The following CXADR variants were observed in gnomAD, a reference collection of about 807,000 sequenced individuals.
CXADR encodes the protein coxsackievirus and adenovirus receptor.
Under a neutral mutation model 40.3 loss-of-function variants are expected in CXADR, and 20 were observed. That is an observed-to-expected ratio of 0.50 (90% CI 0.35 to 0.72). The LOEUF (loss-of-function observed/expected upper bound fraction) is 0.72. CXADR is among the 30% of genes least tolerant of loss of function. CXADR has a pLI of 0.01. For missense variants in CXADR, 332 were observed against 449.1 expected (o/e 0.74, Z 2.36); for synonymous variants, 150 against 161.3 (o/e 0.93, Z 0.53).
intron 7 of CXADR, among the ~76,000 whole-genome samples, chr21:17,582,370 C>T (rs2061367579): frequency 6.6e-6 from 1 of 152,096 alleles, no homozygotes; most frequent in African/African-American, 2.4e-5. Context: ...GCAACTTTTC[C>T]CCTCAAGTTA....
chr21:17,547,230 C>G, intron 2 of CXADR, 37 bp downstream of exon 2: 3 of 1,612,372 alleles, frequency 1.9e-6, no homozygotes, highest in Non-Finnish European at 2.5e-6. Context: ...TAGCAGCTGT[C>G]TGTGCAACTA....
At chr21:17,584,598 G>A (rs909947165) in intron 7 of CXADR, among the ~76,000 whole-genome samples, 2 of 152,172 alleles carry the variant, frequency 1.3e-5, no homozygotes, top group Non-Finnish European at 2.9e-5. Context: ...TTGGGAGGCC[G>A]AGGAGGGCGG....
At chr21:17,570,636 C>A (rs1040979931), downstream of CXADR, among the ~76,000 whole-genome samples, 5 of 152,056 alleles carry the variant, frequency 3.3e-5, no homozygotes, top group Non-Finnish European at 5.9e-5. Context: ...CCAGAGGGGC[C>A]CCACATCTGA....
downstream of CXADR, chr21:17,570,249 T>A: frequency 1.1e-6 from 1 of 903,198 alleles, no homozygotes; most frequent in Non-Finnish European, 1.3e-6. Context: ...ACAATCATAT[T>A]AATACATCAT....
At position 17,567,607 on chromosome 21, in the gene CXADR, G is replaced by T. The variant is rs1474810189; in HGVS notation, c.*1915G>T. On this transcript the variant is annotated 3_prime_UTR_variant, in exon 7 of 7. Coordinates refer to ENST00000284878, the MANE Select transcript of CXADR (RefSeq NM_001338.5). ...TTAAGCAATTGTGTTATTCATAAAG[G>T]TTTAGAAATTTCAATATTCCCAACA... 4.1e-6 allele frequency: 4 copies of T among 984,506 alleles called. No homozygotes were observed. Among genetic ancestry groups the T allele is most frequent in the African/African-American group, 1.7e-5 (1 of 57,192 alleles). The allele number at this position is 984,506 out of a possible 1,614,324, so 61.0% of individuals were successfully genotyped here.
chr21:17,513,255 T>TG lies in CXADR; in HGVS notation c.43+88dup, dbSNP rs925649097. 3.1e-4 allele frequency: 384 copies of TG among 1,251,966 alleles called. 1 individual carries two copies. Among genetic ancestry groups the TG allele is most frequent in the Non-Finnish European group, 3.7e-4 (365 of 974,378 alleles). 77.6% of individuals were successfully genotyped at this position (1,251,966 alleles called of 1,614,324 possible). On this transcript the variant is annotated intron_variant, in intron 1 of 6. Transcript: ENST00000284878. ...GCGGCCACCCAGGAACAATGGGGCG[T>TG]GGGGGAGGGGGCGGGCGCGATTTGG...
intron 2 of CXADR, among the ~76,000 whole-genome samples, chr21:17,549,203 G>A (rs933832379): frequency 1.3e-4 from 20 of 152,154 alleles, no homozygotes; most frequent in Non-Finnish European, 2.9e-5. Flanking sequence ...TGGCAAGGAG[G>A]AAACAGAGGC....
In CXADR at chr21:17,565,015, G is replaced by T. The variant is rs116146948; in HGVS notation, c.834-413G>T. Among the ~76,000 whole-genome samples, 868 of 152,304 alleles carry T rather than the reference G, an allele frequency of 5.7e-3. 5 individuals are homozygous for T. Among genetic ancestry groups the T allele is most frequent in the African/African-American group, 0.02 (840 of 41,554 alleles). ...TTCCCAAAGTGCTGGGATTACAGGT[G>T]TGATTAAGATAGAAATATACCTGTA... On this transcript the variant is annotated intron_variant, in intron 6 of 6. Coordinates refer to ENST00000284878, the MANE Select transcript of CXADR (RefSeq NM_001338.5).
At chr21:17,518,544 C>T (rs2060489713) in intron 1 of CXADR, 4 of 1,042,410 alleles carry the variant, frequency 3.8e-6, no homozygotes, top group Non-Finnish European at 6.1e-6. Flanking sequence ...TCTTTGATGC[C>T]TCATCAAAAT....
intron 7 of CXADR, among the ~76,000 whole-genome samples, chr21:17,575,499 T>C (rs1442503637): frequency 6.6e-5 from 10 of 151,350 alleles, no homozygotes; most frequent in Admixed American, 6.6e-4. Context: ...AAAATTTTTT[T>C]TTTTTTTTTG....
At chr21:17,528,834 C>T (rs1221546395) in intron 1 of CXADR, among the ~76,000 whole-genome samples, 1 of 152,062 alleles carries the variant, frequency 6.6e-6, no homozygotes, top group East Asian at 1.9e-4. Context: ...AGAGCCTTTC[C>T]CAACTCTCAC....
Position 17,567,072 on chromosome 21 carries a change from A to G in CXADR, c.*1380A>G. On this transcript the variant is annotated 3_prime_UTR_variant, in exon 7 of 7. Transcript: ENST00000284878. Reference sequence around the variant, plus strand: ...GTGGGTTTATTGTATTTCCCTTAAGATTGTGAGGGAGTGTGGATACAGTAG... The same window carrying G: ...GTGGGTTTATTGTATTTCCCTTAAGGTTGTGAGGGAGTGTGGATACAGTAG... 1.0e-6 allele frequency: 1 copy of G among 982,644 alleles called. No individual in the cohort carries two copies. Among genetic ancestry groups the G allele is most frequent in the South Asian group, 4.7e-5 (1 of 21,212 alleles). 60.9% of individuals were successfully genotyped at this position (982,644 alleles called of 1,614,324 possible).
chr21:17,552,629 A>C (rs1388856923), intron 3 of CXADR, among the ~76,000 whole-genome samples: 4 of 152,190 alleles, frequency 2.6e-5, no homozygotes, highest in African/African-American at 7.2e-5. Flanking sequence ...TACTTCTAAA[A>C]CCATACTGTG....
chr21:17,530,114 A>ATTTTTTTTTTTTT (rs56341807), intron 1 of CXADR, among the ~76,000 whole-genome samples: 180 of 94,902 alleles, frequency 1.9e-3, no homozygotes, highest in East Asian at 9.6e-3. Flanking sequence ...ATGCCAGGCT[A>ATTTTTTTTTTTTT]TTTTTTTTTT....
chr21:17,546,025 T>C (rs2060892752), intron 1 of CXADR, among the ~76,000 whole-genome samples: 1 of 152,164 alleles, frequency 6.6e-6, no homozygotes, highest in South Asian at 2.1e-4. Context: ...ATGATTCACC[T>C]ACCTTGGCCT....
chr21:17,606,767 T>G, the CXADR span, among the ~76,000 whole-genome samples: 1 of 152,188 alleles, frequency 6.6e-6, no homozygotes, highest in South Asian at 2.1e-4. Flanking sequence ...ATTCTATCAT[T>G]TACTTAATGT....
chr21:17,530,491 T>A, intron 1 of CXADR: 1 of 445,980 alleles, frequency 2.2e-6, no homozygotes, highest in Non-Finnish European at 4.5e-6. Flanking sequence ...GATGGACCCT[T>A]TTTCCCAGCT....
At chr21:17,574,356 ATG>A (rs2061303291), downstream of CXADR, among the ~76,000 whole-genome samples, 2 of 147,434 alleles carry the variant, frequency 1.4e-5, no homozygotes, top group East Asian at 4.0e-4. Flanking sequence ...GTACTTGTGT[ATG>A]TGTGTTTGTG....
At chr21:17,631,550 C>G in the CXADR span, among the ~76,000 whole-genome samples, 1 of 152,152 alleles carries the variant, frequency 6.6e-6, no homozygotes, top group African/African-American at 2.4e-5. Context: ...TCTAAATATA[C>G]TAAAGCATTG....
Sources: gnomAD v4.1 joint callset for allele counts (sites outside exome capture counted in the v4.1 genomes callset) on GRCh38, gnomAD v4.1.1 for gene constraint, MANE v1.5 for transcripts, NCBI Gene and HGNC (gene_info 2026-07-23, HGNC 2026-07-21) for gene names.